SLC46A2: variants seen among roughly 807,000 people sequenced by gnomAD.
The protein encoded by SLC46A2 is solute carrier family 46 member 2.
A neutral mutation model predicts 33.1 loss-of-function variants in SLC46A2; 25 were observed. That is an observed-to-expected ratio of 0.76 (90% CI 0.55 to 1.06). The LOEUF is 1.06. SLC46A2 is among the 50% of genes least tolerant of loss of function. The probability of loss-of-function intolerance (pLI) is 0.00; values close to 1 mark genes in which losing one functional copy is unlikely to be tolerated. For missense variants in SLC46A2, 622 were observed against 621.7 expected, an observed-to-expected ratio of 1.00 and a Z score of 0.00; for synonymous variants, 254 against 275.9, an observed-to-expected ratio of 0.92 and a Z score of 0.79.
chr9:112,883,434 G>A (rs1336908534), intron 3 of SLC46A2, among the ~76,000 whole-genome samples: 3 of 152,136 alleles, frequency 2.0e-5, no homozygotes, highest in African/African-American at 7.2e-5. Context: ...CCTTTGGCAA[G>A]TTATTTAATA....
Position 112,889,759 on chromosome 9 carries a change from A to C in SLC46A2, c.923T>G (p.Val308Gly). Residue 308 changes from valine (V) to glycine (G), a missense_variant, in exon 1 of 4, where the codon GTG becomes GGG. Val to Gly is a moderately radical substitution (Grantham distance 109, BLOSUM62 -3). Transcript: ENST00000374228. ...GTTCCAACCGAGAGGCTCCCTCAGCACAAAAAGAGGGATCACGTCCACTGT... is the reference window on the plus strand; with the variant it reads ...GTTCCAACCGAGAGGCTCCCTCAGCCCAAAAAGAGGGATCACGTCCACTGT... Reference protein sequence around the residue: ...VGTVDVIPLFVLREPLGWNQV... With the variant: ...VGTVDVIPLFGLREPLGWNQV... 6.2e-7 allele frequency: 1 copy of C among 1,614,132 alleles called. No individual in the cohort carries two copies.
At chr9:112,887,912 A>AGTGTGTGT (rs34424153) in intron 1 of SLC46A2, among the ~76,000 whole-genome samples, 6,174 of 142,002 alleles carry the variant, frequency 0.043, 134 homozygotes, top group Admixed American at 0.052. Flanking sequence ...ATCCAGATGC[A>AGTGTGTGT]GTGTGTGTGT....
Position 112,889,903 on chromosome 9 carries a change from T to C in SLC46A2, c.779A>G (p.Gln260Arg), listed in dbSNP as rs775544516. ...CCCCACTGCATACTGTTGGTCCAAC[T>C]GATCAGGATCCAGAGTGCGGTATGT... ...VGTYRTLDPD[Q>R]LDQQYAVGHP... The change falls in exon 1 of 4, where the codon CAG becomes CGG. Residue 260 changes from glutamine (Q) to arginine (R), a missense_variant. By Grantham distance (43) the Gln-to-Arg change is conservative (BLOSUM62 1). Coordinates refer to ENST00000374228, the MANE Select transcript of SLC46A2 (RefSeq NM_033051.4). The C allele has an allele frequency of 6.2e-7, 1 of 1,614,224 alleles. No homozygotes were observed. The highest frequency in any genetic ancestry group is 8.5e-7 in the Non-Finnish European group (1 of 1,180,048).
intron 3 of SLC46A2, among the ~76,000 whole-genome samples, chr9:112,881,963 G>T (rs533187359): frequency 6.6e-6 from 1 of 152,312 alleles, no homozygotes; most frequent in East Asian, 1.9e-4. Context: ...GGATGGAGAA[G>T]GGAGAAGAGT....
Position 112,886,453 on chromosome 9 carries a change from A to G in SLC46A2, c.1370+7T>C. The G allele has an allele frequency of 6.2e-7, 1 of 1,614,102 alleles. No homozygotes were observed. Among genetic ancestry groups the G allele is most frequent in the Non-Finnish European group, 8.5e-7 (1 of 1,179,984 alleles). On this transcript the variant is annotated splice_region_variant and intron_variant, in intron 3 of 3. Coordinates refer to ENST00000374228, the MANE Select transcript of SLC46A2 (RefSeq NM_033051.4). ...AGCCCAAGCAGCAGATGCTGCTCCCATCCTACCTAATTGGAATGATGGCCA... is the reference window on the plus strand; with the variant it reads ...AGCCCAAGCAGCAGATGCTGCTCCCGTCCTACCTAATTGGAATGATGGCCA...
At chr9:112,889,153 T>G (rs1310545863) in intron 1 of SLC46A2, among the ~76,000 whole-genome samples, 1 of 152,150 alleles carries the variant, frequency 6.6e-6, no homozygotes, top group Non-Finnish European at 1.5e-5. Flanking sequence ...CCGCCCAAAG[T>G]GCTGGGATTA....
At chr9:112,883,174 G>A (rs574021838) in intron 3 of SLC46A2, among the ~76,000 whole-genome samples, 1 of 152,290 alleles carries the variant, frequency 6.6e-6, no homozygotes, top group South Asian at 2.1e-4. Context: ...GAAAGTGAAT[G>A]GGAGTGGGGG....
intron 2 of SLC46A2, 89 bp downstream of exon 2, chr9:112,887,241 A>C: frequency 8.4e-7 from 1 of 1,195,790 alleles, no homozygotes; most frequent in South Asian, 1.4e-5. Flanking sequence ...GAACTGTCTC[A>C]AGTGCCTTCT....
At chr9:112,881,327 CTTT>C (rs1841574755) in intron 3 of SLC46A2, 1 of 152,378 alleles carries the variant, frequency 6.6e-6, no homozygotes, top group East Asian at 1.9e-4. Flanking sequence ...TTAAGGGAAA[CTTT>C]GTAGACACTT....
Position 112,889,442 on chromosome 9 carries a change from G to A in SLC46A2, c.1129+111C>T, listed in dbSNP as rs1208100989. The A allele has an allele frequency of 2.6e-6, 3 of 1,157,948 alleles. No homozygotes were observed. The African/African-American group carries it at 4.6e-5, about 18-fold the overall frequency. 71.7% of individuals were successfully genotyped at this position (1,157,948 alleles called of 1,614,324 possible). A position where few individuals can be genotyped will look rare whatever the true frequency, so the allele number is the denominator to read the frequency against. ...TGTCCCTTGTGCCTCCTAGGTAGCA[G>A]GTTCAATCCCTGGTGCTGAGCTAGG... On this transcript the variant is annotated intron_variant, in intron 1 of 3. Coordinates refer to ENST00000374228, the MANE Select transcript of SLC46A2 (RefSeq NM_033051.4).
chr9:112,883,045 A>G (rs1314676525), intron 3 of SLC46A2, among the ~76,000 whole-genome samples: 1 of 152,230 alleles, frequency 6.6e-6, no homozygotes, highest in Non-Finnish European at 1.5e-5. Context: ...AAGAAATCAT[A>G]TGAGATGAAG....
rs777593463 is a variant in SLC46A2, at chr9:112,890,180, G to A, written c.502C>T (p.Arg168Cys). ...ALGSLGSSEG[R>C]RSVRLILIDL... is the part of the protein sequence containing the mutation. ...ATGAGGATGAGGCGCACAGAGCGGC[G>A]GCCCTCGGAGGAGCCCAGCGATCCC... The change falls in exon 1 of 4, where the codon CGC becomes TGC. Residue 168 changes from arginine to cysteine, a missense_variant. Coordinates refer to ENST00000374228, the MANE Select transcript of SLC46A2 (RefSeq NM_033051.4). This position sits in a 1 kb window ranked among gnomAD's most constrained non-coding sequence, Gnocchi z 6.0. 6 of 1,613,000 alleles carry A rather than the reference G, an allele frequency of 3.7e-6. No homozygotes were observed. Among genetic ancestry groups the A allele is most frequent in the Non-Finnish European group, 5.1e-6 (6 of 1,179,888 alleles).
At position 112,879,007 on chromosome 9, in the gene SLC46A2, G is replaced by A. The variant is rs1220769487; in HGVS notation, c.*755C>T. 1 of 152,210 alleles carries A rather than the reference G, an allele frequency of 6.6e-6. No individual in the cohort carries two copies. The highest frequency in any genetic ancestry group is 1.5e-5 in the Non-Finnish European group (1 of 68,046). The allele number at this position is 152,210 out of a possible 1,614,324, so 9.4% of individuals were successfully genotyped here. On this transcript the variant is annotated 3_prime_UTR_variant, in exon 4 of 4. Coordinates refer to ENST00000374228, the MANE Select transcript of SLC46A2 (RefSeq NM_033051.4). ...AAAAATGACTACCTCAAATAAAATA[G>A]CTCTTAATGTACCTCCTCTTCCTTC...
At position 112,888,873 on chromosome 9, in the gene SLC46A2, G is replaced by GTT. The variant is rs35381661; in HGVS notation, c.1129+678_1129+679dup. Among the ~76,000 whole-genome samples the GTT allele has an allele frequency of 1.6e-4, 22 of 139,690 alleles. No homozygotes were observed. The East Asian group carries it at 2.7e-3, about 17-fold the overall frequency. 91.6% of individuals were successfully genotyped at this position (139,690 alleles called of 152,430 possible). On this transcript the variant is annotated intron_variant, in intron 1 of 3. Transcript: ENST00000374228. ...ATTACTTGAAATTCCACTCCTCCAC[G>GTT]TTTTTTTTTTTTTGTTTGTTTGTTT...
At position 112,879,652 on chromosome 9, in the gene SLC46A2, C is replaced by T. The variant is rs929545792; in HGVS notation, c.*110G>A. ...TCTGAGGCCAACTCTGGCTGGAACGCAGGTTTCTTAAGCAGTGGGTTGCTT... is the reference window on the plus strand; with the variant it reads ...TCTGAGGCCAACTCTGGCTGGAACGTAGGTTTCTTAAGCAGTGGGTTGCTT... On this transcript the variant is annotated 3_prime_UTR_variant, in exon 4 of 4. Transcript: ENST00000374228. 16 of 983,316 alleles carry T rather than the reference C, an allele frequency of 1.6e-5. No individual in the cohort carries two copies. In the Admixed American group the frequency reaches 2.9e-4, roughly 18 times the overall value. The allele number at this position is 983,316 out of a possible 1,614,324, so 60.9% of individuals were successfully genotyped here.
chr9:112,887,371 A>G lies in SLC46A2; in HGVS notation c.1172T>C (p.Ile391Thr), dbSNP rs1841654384. The change falls in exon 2 of 4, where the codon ATC (isoleucine) becomes ACC (threonine). Residue 391 changes from isoleucine (I) to threonine (T), a missense_variant. Physicochemically the swap from Ile to Thr is moderately conservative, Grantham distance 89. Transcript: ENST00000374228. Reference sequence around the variant, plus strand: ...TATGAGTTTGGACATAGCTGATCGGATGGTTGTGACGGGGATGAGAGCAAA... The same window carrying G: ...TATGAGTTTGGACATAGCTGATCGGGTGGTTGTGACGGGGATGAGAGCAAA... ...MLFALIPVTT[I>T]RSAMSKLIKG... 3 of 1,612,208 alleles carry G rather than the reference A, an allele frequency of 1.9e-6. No homozygotes were observed. The African/African-American group carries it at 4.0e-5, about 22-fold the overall frequency.
chr9:112,883,700 CTTT>C (rs71384287), intron 3 of SLC46A2, among the ~76,000 whole-genome samples: 16 of 121,328 alleles, frequency 1.3e-4, no homozygotes, highest in Admixed American at 1.7e-4. Context: ...TTTTTCTTTT[CTTT>C]TTTTTTTTTT....
In SLC46A2 at chr9:112,890,599, G is replaced by A. The variant is rs1451768601; in HGVS notation, c.83C>T (p.Ser28Leu). ...GTAGAGGGAGGCAGCCACCTGGGAC[G>A]AGGCCACCACGGGCTCAACCCAGGT... ...PRTWVEPVVA[S>L]SQVAASLYDA... The change falls in exon 1 of 4, where the codon TCG becomes TTG. Residue 28 changes from serine (S) to leucine (L), a missense_variant. By Grantham distance (145) the Ser-to-Leu change is moderately radical (BLOSUM62 -2). Coordinates refer to ENST00000374228, the MANE Select transcript of SLC46A2 (RefSeq NM_033051.4). This position sits in a 1 kb window ranked among gnomAD's most constrained non-coding sequence, Gnocchi z 6.0. 3.7e-6 allele frequency: 6 copies of A among 1,609,580 alleles called. No homozygotes were observed. The highest frequency in any genetic ancestry group is 3.3e-5 in the Admixed American group (2 of 60,018).
At chr9:112,888,843 G>A (rs1841680784) in intron 1 of SLC46A2, among the ~76,000 whole-genome samples, 1 of 149,162 alleles carries the variant, frequency 6.7e-6, no homozygotes, top group Non-Finnish European at 1.5e-5. Flanking sequence ...GATCTTTTCA[G>A]TAGAATTACT....
Sources: allele counts gnomAD v4.1 joint callset (sites outside exome capture counted in the v4.1 genomes callset), GRCh38; gene constraint gnomAD v4.1.1; non-coding constraint Gnocchi (gnomAD v3.1); transcripts MANE v1.5; gene names NCBI Gene and HGNC (gene_info 2026-07-23, HGNC 2026-07-21).